Variants in FBN1 observed in about 807,000 individuals in gnomAD.
FBN1 encodes the protein fibrillin 1, also known as fibrillin-1.
A neutral mutation model predicts 365.1 loss-of-function variants in FBN1; 29 were observed. The ratio of observed to expected loss-of-function variants is 0.08; its 90% confidence interval spans 0.06 to 0.11. The LOEUF (loss-of-function observed/expected upper bound fraction) is 0.11. Ranked by LOEUF, FBN1 falls within the 10% of genes least tolerant of loss-of-function variation. The pLI is 1.00. For missense variants in FBN1, 2,476 were observed against 3,703.2 expected (o/e 0.67, Z 8.60); for synonymous variants, 1,210 against 1,270.5 (o/e 0.95, Z 1.01).
intron 48 of FBN1, among the ~76,000 whole-genome samples, chr15:48,445,013 G>T (rs2141248487): frequency 6.6e-6 from 1 of 150,996 alleles, no homozygotes; most frequent in South Asian, 2.1e-4. Context: ...AATCACAATT[G>T]CTTACAGAGC....
At chr15:48,572,059 A>G (rs12595012) in intron 6 of FBN1, among the ~76,000 whole-genome samples, 19,717 of 152,182 alleles carry the variant, frequency 0.13, 1,346 homozygotes, top group Non-Finnish European at 0.15. Context: ...CTACTTCCCA[A>G]ACTTTCTTAA....
At chr15:48,421,110 A>G (rs1010184165) in intron 62 of FBN1, among the ~76,000 whole-genome samples, 7 of 151,862 alleles carry the variant, frequency 4.6e-5, no homozygotes, top group Admixed American at 3.9e-4. Context: ...TGGTGCCACA[A>G]TTAGAAACCA....
At chr15:48,622,886 T>G (rs539659003) in intron 2 of FBN1, among the ~76,000 whole-genome samples, 67 of 152,338 alleles carry the variant, frequency 4.4e-4, no homozygotes, top group Non-Finnish European at 7.6e-4. Flanking sequence ...TCTTTCCATT[T>G]CAATATGTAG....
chr15:48,638,473 T>C (rs958339230), intron 2 of FBN1, among the ~76,000 whole-genome samples: 3 of 152,264 alleles, frequency 2.0e-5, no homozygotes, highest in African/African-American at 7.2e-5. Flanking sequence ...TACTAGTTTA[T>C]GTCCCTGGAG....
chr15:48,549,382 C>G (rs1184880644), intron 6 of FBN1, among the ~76,000 whole-genome samples: 2 of 152,210 alleles, frequency 1.3e-5, no homozygotes, highest in African/African-American at 4.8e-5. Context: ...AGGGAGGCGG[C>G]ATGTACATGA....
At chr15:48,508,196 G>GT (rs2043727158) in intron 15 of FBN1, among the ~76,000 whole-genome samples, 2 of 152,284 alleles carry the variant, frequency 1.3e-5, no homozygotes, top group Admixed American at 6.5e-5. Context: ...AGGTAAAGAT[G>GT]TAAGAGGTGG....
At chr15:48,577,767 A>G (rs376371315) in intron 6 of FBN1, among the ~76,000 whole-genome samples, 20 of 152,324 alleles carry the variant, frequency 1.3e-4, no homozygotes, top group African/African-American at 4.8e-4. Flanking sequence ...GTGACGTTCC[A>G]TAATGCACGA....
At chr15:48,496,708 T>C (rs1305612802) in intron 19 of FBN1, among the ~76,000 whole-genome samples, 2 of 152,208 alleles carry the variant, frequency 1.3e-5, no homozygotes, top group African/African-American at 4.8e-5. Context: ...CCAGGTATGA[T>C]TATAAAGTAC....
chr15:48,516,183 TTGG>T lies in FBN1; in HGVS notation c.1324_1326del (p.Pro442del). On this transcript the variant is annotated inframe_deletion and splice_region_variant, in exon 11 of 66. Coordinates refer to ENST00000316623, the MANE Select transcript of FBN1 (RefSeq NM_000138.5). ...AACTAGATGATTTTTGAATTCTTACTTGGTGGCTCCCGAGATGGATACAGATAT... is the reference window on the plus strand; with the variant it reads ...AACTAGATGATTTTTGAATTCTTACTTGGCTCCCGAGATGGATACAGATAT... 1 of 1,613,624 alleles carries T rather than the reference TTGG, an allele frequency of 6.2e-7. No homozygotes were observed. Among genetic ancestry groups the T allele is most frequent in the Non-Finnish European group, 8.5e-7 (1 of 1,179,678 alleles).
At chr15:48,486,884 C>G (rs1181737676) in intron 29 of FBN1, among the ~76,000 whole-genome samples, 191 bp downstream of exon 29, 2 of 151,838 alleles carry the variant, frequency 1.3e-5, no homozygotes, top group East Asian at 1.9e-4. Flanking sequence ...ATCCAAAGAT[C>G]GTGAGCCACT....
At chr15:48,563,504 C>A (rs2044239277) in intron 6 of FBN1, among the ~76,000 whole-genome samples, 1 of 152,130 alleles carries the variant, frequency 6.6e-6, no homozygotes, top group Non-Finnish European at 1.5e-5. Context: ...ACCAGGTGAA[C>A]CACTGCAAAG....
At position 48,644,907 on chromosome 15, in the gene FBN1, C is replaced by G. The variant is rs1367307318; in HGVS notation, c.-138G>C. 2 of 821,080 alleles carry G rather than the reference C, an allele frequency of 2.4e-6. No homozygotes were observed. Among genetic ancestry groups the G allele is most frequent in the Non-Finnish European group, 3.3e-6 (2 of 615,070 alleles). 50.9% of individuals were successfully genotyped at this position (821,080 alleles called of 1,614,324 possible). A position where few individuals can be genotyped will look rare whatever the true frequency, so the allele number is the denominator to read the frequency against. On this transcript the variant is annotated 5_prime_UTR_variant, in exon 2 of 66. Coordinates refer to ENST00000316623, the MANE Select transcript of FBN1 (RefSeq NM_000138.5). Reference sequence around the variant, plus strand: ...CCCGTCCCCCGGGCCGGGCTCCTCCCGCCTTCTCCAGGCGCTGCTCCCACT... The same window carrying G: ...CCCGTCCCCCGGGCCGGGCTCCTCCGGCCTTCTCCAGGCGCTGCTCCCACT...
At chr15:48,442,454 G>A (rs76484885) in intron 49 of FBN1, among the ~76,000 whole-genome samples, 3,325 of 152,276 alleles carry the variant, frequency 0.022, 69 homozygotes, top group East Asian at 0.083. Context: ...TAATCTTTCT[G>A]AAGACACAAA....
At chr15:48,416,815 T>G (rs529065219) in intron 63 of FBN1, 1 of 152,336 alleles carries the variant, frequency 6.6e-6, no homozygotes, top group East Asian at 1.9e-4. Context: ...ATACGTTCAT[T>G]TGAATGTAGA....
intron 10 of FBN1, among the ~76,000 whole-genome samples, chr15:48,519,678 C>G (rs1377282355): frequency 3.9e-5 from 6 of 152,122 alleles, no homozygotes; most frequent in Admixed American, 6.5e-5. Flanking sequence ...AGAGCCTGAA[C>G]TGGCAAGAAG....
At chr15:48,560,566 G>A (rs2044215553) in intron 6 of FBN1, among the ~76,000 whole-genome samples, 1 of 152,132 alleles carries the variant, frequency 6.6e-6, no homozygotes, top group African/African-American at 2.4e-5. Context: ...TATGTGATAT[G>A]AGATCTGGTA....
At chr15:48,416,859 A>G (rs1426300285) in intron 63 of FBN1, 1 of 152,206 alleles carries the variant, frequency 6.6e-6, no homozygotes, top group East Asian at 1.9e-4. Context: ...GCGAATAACC[A>G]CTTCCTATGG....
chr15:48,445,316 T>C (rs1597532497), intron 48 of FBN1, 60 bp downstream of exon 48: 7 of 1,583,112 alleles, frequency 4.4e-6, no homozygotes, highest in African/African-American at 4.0e-5. Flanking sequence ...AGAGACTGCA[T>C]GATTCCTTGA....
chr15:48,532,461 TATG>T (rs1454378557), intron 8 of FBN1, among the ~76,000 whole-genome samples: 3 of 151,508 alleles, frequency 2.0e-5, no homozygotes, highest in Non-Finnish European at 2.9e-5. Flanking sequence ...TATATAAAGA[TATG>T]TGTGTGTGTA....
Sources: gnomAD v4.1 joint callset for allele counts (sites outside exome capture counted in the v4.1 genomes callset) on GRCh38, gnomAD v4.1.1 for gene constraint, MANE v1.5 for transcripts, NCBI Gene and HGNC (gene_info 2026-07-23, HGNC 2026-07-21) for gene names.